OR9Q1: variants seen among roughly 807,000 people sequenced by gnomAD.
The protein encoded by OR9Q1 is olfactory receptor 9Q1.
For synonymous variants in OR9Q1, 153 were observed against 148.6 expected (o/e 1.03, Z -0.22); for missense variants, 374 against 378.8 (o/e 0.99, Z 0.11).
At chr11:58,119,597 G>T in intron 2 of OR9Q1, 1 of 585,726 alleles carries the variant, frequency 1.7e-6, no homozygotes, top group South Asian at 2.4e-5. Context: ...GAAACTGGCT[G>T]ATTTTCCTTG....
At chr11:58,148,042 T>G (rs1854315891) in intron 2 of OR9Q1, among the ~76,000 whole-genome samples, 1 of 152,146 alleles carries the variant, frequency 6.6e-6, no homozygotes, top group Non-Finnish European at 1.5e-5. Context: ...AACAATGATA[T>G]TGGAAAGATG....
chr11:58,088,186 G>T (rs867427765), intron 2 of OR9Q1, among the ~76,000 whole-genome samples: 6 of 151,900 alleles, frequency 3.9e-5, no homozygotes, highest in Non-Finnish European at 5.9e-5. Context: ...ATTCCATGGG[G>T]TATATGTGCC....
At chr11:58,124,875 A>T (rs1467818001) in intron 2 of OR9Q1, among the ~76,000 whole-genome samples, 1 of 152,192 alleles carries the variant, frequency 6.6e-6, no homozygotes, top group Non-Finnish European at 1.5e-5. Flanking sequence ...AATACTATGC[A>T]TTGTAGACAC....
chr11:58,032,002 A>G (rs1853046344), intron 1 of OR9Q1: 1 of 671,586 alleles, frequency 1.5e-6, no homozygotes, highest in Admixed American at 2.8e-5. Flanking sequence ...ATGCAGTTCC[A>G]TTTATAACAG....
chr11:58,031,746 A>C, intron 1 of OR9Q1: 1 of 1,614,114 alleles, frequency 6.2e-7, no homozygotes, highest in Non-Finnish European at 8.5e-7. Flanking sequence ...ATGTATGTCC[A>C]GACCAAGGTG....
At chr11:58,029,669 T>C (rs1853010719) in intron 1 of OR9Q1, among the ~76,000 whole-genome samples, 1 of 152,188 alleles carries the variant, frequency 6.6e-6, no homozygotes, top group Non-Finnish European at 1.5e-5. Context: ...GGTCACATAT[T>C]TCAAGTTGAT....
At chr11:58,071,823 A>G (rs958700074) in intron 2 of OR9Q1, among the ~76,000 whole-genome samples, 1 of 152,228 alleles carries the variant, frequency 6.6e-6, no homozygotes, top group Non-Finnish European at 1.5e-5. Flanking sequence ...AGACAAATCT[A>G]TCTAATAAAT....
chr11:58,062,090 C>CACTT (rs1454195131), intron 2 of OR9Q1, among the ~76,000 whole-genome samples: 6 of 152,290 alleles, frequency 3.9e-5, no homozygotes, highest in African/African-American at 1.2e-4. Context: ...GACCAGACAC[C>CACTT]ACTTACTAAG....
intron 2 of OR9Q1, among the ~76,000 whole-genome samples, chr11:58,169,006 A>G (rs1530860): frequency 0.42 from 64,546 of 152,002 alleles, 13,975 homozygotes; most frequent in African/African-American, 0.47. Context: ...TAATTTCTGT[A>G]TGCCTTATAT....
At chr11:58,031,660 T>C (rs1257070242) in intron 1 of OR9Q1, 1 of 1,613,992 alleles carries the variant, frequency 6.2e-7, no homozygotes, top group Non-Finnish European at 8.5e-7. Flanking sequence ...GCTCAGCTGC[T>C]GAGCGCTGGA....
At chr11:58,068,449 C>G (rs1214860211) in intron 2 of OR9Q1, among the ~76,000 whole-genome samples, 1 of 152,088 alleles carries the variant, frequency 6.6e-6, no homozygotes, top group Non-Finnish European at 1.5e-5. Flanking sequence ...TACACAGCAA[C>G]CCTCCAACAG....
At chr11:58,167,763 A>G (rs1333799778) in intron 2 of OR9Q1, among the ~76,000 whole-genome samples, 1 of 152,170 alleles carries the variant, frequency 6.6e-6, no homozygotes, top group Non-Finnish European at 1.5e-5. Context: ...TCATCCTCCA[A>G]CGGGCTAGCC....
chr11:58,176,095 T>C (rs1854604155), intron 2 of OR9Q1, among the ~76,000 whole-genome samples: 1 of 152,142 alleles, frequency 6.6e-6, no homozygotes. Context: ...GAGGTTTCTG[T>C]GTAGGGTACC....
intron 2 of OR9Q1, among the ~76,000 whole-genome samples, chr11:58,168,484 ATT>A: frequency 6.6e-6 from 1 of 152,214 alleles, no homozygotes; most frequent in East Asian, 1.9e-4. Context: ...GTCATATTTA[ATT>A]TTTTTGTTGA....
chr11:58,118,379 G>A (rs912004110), intron 2 of OR9Q1: 4 of 672,222 alleles, frequency 6.0e-6, no homozygotes, highest in Non-Finnish European at 1.0e-5. Flanking sequence ...TGTGTGCCTG[G>A]TGGTACCTAT....
intron 2 of OR9Q1, among the ~76,000 whole-genome samples, chr11:58,105,080 A>ATT (rs5792080): frequency 0.026 from 3,831 of 149,234 alleles, 64 homozygotes; most frequent in East Asian, 0.056. Flanking sequence ...GAGAAGGTAG[A>ATT]TTTTTTTTTT....
intron 2 of OR9Q1, among the ~76,000 whole-genome samples, chr11:58,154,612 T>A (rs897609009): frequency 2.0e-5 from 3 of 152,148 alleles, no homozygotes; most frequent in Non-Finnish European, 4.4e-5. Flanking sequence ...ATCTGAAACA[T>A]TCCCAACACA....
chr11:58,165,802 C>G (rs554663626), intron 2 of OR9Q1, among the ~76,000 whole-genome samples: 2 of 152,188 alleles, frequency 1.3e-5, no homozygotes, highest in Non-Finnish European at 2.9e-5. Flanking sequence ...AGACATTTCC[C>G]GCTCCCAAGT....
intron 2 of OR9Q1, among the ~76,000 whole-genome samples, chr11:58,121,623 C>A (rs971327517): frequency 3.4e-4 from 52 of 152,302 alleles, no homozygotes; most frequent in African/African-American, 1.1e-3. Flanking sequence ...CTTACACCCC[C>A]AACTTCCTCA....
Sources: gnomAD v4.1 joint callset for allele counts (sites outside exome capture counted in the v4.1 genomes callset) on GRCh38, gnomAD v4.1.1 for gene constraint, MANE v1.5 for transcripts, NCBI Gene and HGNC (gene_info 2026-07-23, HGNC 2026-07-21) for gene names.